Variants in ATP8A2 observed in about 807,000 individuals in gnomAD.
ATP8A2 encodes the protein phospholipid-transporting ATPase IB.
ATP8A2 carries 100 observed loss-of-function variants against 165.6 expected under a neutral mutation model. The ratio of observed to expected loss-of-function variants is 0.60; its 90% CI spans 0.51 to 0.71. The LOEUF (loss-of-function observed/expected upper bound fraction) is 0.71, where lower values mean the gene tolerates loss of function less well. Ranked by LOEUF, ATP8A2 falls within the 30% of genes least tolerant of loss-of-function variation. ATP8A2 has a pLI of 0.00. For synonymous variants in ATP8A2, 543 were observed against 548.8 expected (o/e 0.99, Z 0.15); for missense variants, 1,227 against 1,479.5 (o/e 0.83, Z 2.80).
At chr13:25,876,051 C>T (rs766646164) in intron 33 of ATP8A2, among the ~76,000 whole-genome samples, 24 of 152,150 alleles carry the variant, frequency 1.6e-4, no homozygotes, top group Non-Finnish European at 2.8e-4. Flanking sequence ...TAAATATAAG[C>T]GTGTAGTTGG....
intron 35 of ATP8A2, among the ~76,000 whole-genome samples, chr13:25,974,369 G>A (rs902003267): frequency 4.6e-5 from 7 of 152,120 alleles, no homozygotes; most frequent in African/African-American, 1.2e-4. Context: ...GAGTTGCATC[G>A]TCGGGGTGTG....
intron 22 of ATP8A2, among the ~76,000 whole-genome samples, chr13:25,580,623 T>C (rs1210913843): frequency 6.6e-6 from 1 of 152,164 alleles, no homozygotes; most frequent in African/African-American, 2.4e-5. Flanking sequence ...AGCCTCAAAC[T>C]CCTGGGTTCA....
chr13:25,461,157 C>T (rs929704329), intron 1 of ATP8A2, among the ~76,000 whole-genome samples: 5 of 152,236 alleles, frequency 3.3e-5, no homozygotes, highest in African/African-American at 4.8e-5. Flanking sequence ...CCATCAGTGT[C>T]GCTTTCCCTT....
chr13:25,886,725 G>T lies in ATP8A2; in HGVS notation c.3183+24317G>T, dbSNP rs145020139. 3.3e-5 allele frequency among the ~76,000 whole-genome samples: 5 copies of T among 152,310 alleles called. No individual in the cohort carries two copies. The East Asian group carries it at 9.7e-4, about 29-fold the overall frequency. Reference sequence around the variant, plus strand: ...TGCCATCTGATAGCTGTTCCATAGCGTATAGGAAAACAGCTGAGACTCAGG... The same window carrying T: ...TGCCATCTGATAGCTGTTCCATAGCTTATAGGAAAACAGCTGAGACTCAGG... On this transcript the variant is annotated intron_variant, in intron 33 of 36. Transcript: ENST00000381655.
At chr13:25,504,763 A>C (rs1233184324) in intron 2 of ATP8A2, among the ~76,000 whole-genome samples, 3 of 151,338 alleles carry the variant, frequency 2.0e-5, no homozygotes, top group East Asian at 3.9e-4. Flanking sequence ...AAAAAAAAAA[A>C]AAAAGTATAC....
At chr13:25,505,003 G>T (rs2036986228) in intron 2 of ATP8A2, among the ~76,000 whole-genome samples, 1 of 152,088 alleles carries the variant, frequency 6.6e-6, no homozygotes, top group Non-Finnish European at 1.5e-5. Flanking sequence ...AGTTGTTGGG[G>T]AAATTACTGC....
chr13:25,734,465 T>C (rs1231025835), intron 25 of ATP8A2, among the ~76,000 whole-genome samples: 1 of 152,180 alleles, frequency 6.6e-6, no homozygotes, highest in African/African-American at 2.4e-5. Context: ...TATAGTACTT[T>C]ATAGTTTACA....
At chr13:25,788,324 A>G (rs1269601657) in intron 27 of ATP8A2, among the ~76,000 whole-genome samples, 1 of 152,218 alleles carries the variant, frequency 6.6e-6, no homozygotes, top group Non-Finnish European at 1.5e-5. Flanking sequence ...TAGACCATAC[A>G]ATTATGGCAT....
chr13:25,638,023 C>G (rs2041416627), intron 24 of ATP8A2, among the ~76,000 whole-genome samples: 1 of 152,164 alleles, frequency 6.6e-6, no homozygotes, highest in African/African-American at 2.4e-5. Flanking sequence ...CCAGCAAACT[C>G]CAACAGACCT....
At chr13:25,793,633 T>C (rs1316005453) in intron 27 of ATP8A2, among the ~76,000 whole-genome samples, 2 of 148,302 alleles carry the variant, frequency 1.3e-5, no homozygotes, top group African/African-American at 5.0e-5. Context: ...CTACATGTAC[T>C]ATCAGGCTTT....
At chr13:25,525,024 G>A (rs2037797780) in intron 2 of ATP8A2, among the ~76,000 whole-genome samples, 1 of 147,550 alleles carries the variant, frequency 6.8e-6, no homozygotes, top group African/African-American at 2.5e-5. Context: ...GTTTTAATTT[G>A]TTGCTTTTTA....
chr13:25,748,679 T>G (rs892929375), intron 25 of ATP8A2, among the ~76,000 whole-genome samples: 7 of 152,218 alleles, frequency 4.6e-5, no homozygotes, highest in African/African-American at 1.7e-4. Flanking sequence ...TTTAGATGTT[T>G]CTGCTTCAGG....
intron 34 of ATP8A2, 85 bp downstream of exon 34, chr13:25,961,748 T>C: frequency 4.8e-6 from 5 of 1,035,676 alleles, no homozygotes; most frequent in Non-Finnish European, 7.3e-6. Flanking sequence ...CTACAGGGTA[T>C]GAGAATGACA....
At chr13:25,990,765 T>C (rs1956373921) in intron 35 of ATP8A2, among the ~76,000 whole-genome samples, 1 of 152,222 alleles carries the variant, frequency 6.6e-6, no homozygotes, top group Non-Finnish European at 1.5e-5. Context: ...TAGTATGTTT[T>C]CTCCATTTCC....
intron 13 of ATP8A2, among the ~76,000 whole-genome samples, chr13:25,557,155 T>G (rs1026775401): frequency 3.9e-5 from 6 of 152,244 alleles, no homozygotes; most frequent in Non-Finnish European, 7.3e-5. Flanking sequence ...ACCTACTTAA[T>G]TTTTGTCTTT....
intron 35 of ATP8A2, among the ~76,000 whole-genome samples, chr13:25,983,615 A>T (rs866064513): frequency 4.6e-5 from 7 of 152,306 alleles, no homozygotes; most frequent in Middle Eastern, 3.4e-3. Context: ...ACTTGGATAA[A>T]ACTAGGGTTT....
chr13:25,561,050 C>T (rs1336159660), intron 15 of ATP8A2, among the ~76,000 whole-genome samples: 1 of 151,988 alleles, frequency 6.6e-6, no homozygotes, highest in Non-Finnish European at 1.5e-5. Flanking sequence ...CCACACCCAG[C>T]TAATTTTTTG....
intron 25 of ATP8A2, among the ~76,000 whole-genome samples, chr13:25,704,163 A>G (rs768466055): frequency 1.9e-4 from 29 of 152,182 alleles, no homozygotes; most frequent in Non-Finnish European, 4.0e-4. Context: ...TCCTCAGAGC[A>G]ATAAAATCAG....
At chr13:25,605,467 C>T (rs1323154226) in intron 24 of ATP8A2, among the ~76,000 whole-genome samples, 2 of 152,040 alleles carry the variant, frequency 1.3e-5, no homozygotes, top group African/African-American at 4.8e-5. Context: ...GAAAAATGTT[C>T]TCTGGGTAGA....
Sources: allele counts gnomAD v4.1 joint callset (sites outside exome capture counted in the v4.1 genomes callset), GRCh38; gene constraint gnomAD v4.1.1; transcripts MANE v1.5; gene names NCBI Gene and HGNC (gene_info 2026-07-23, HGNC 2026-07-21).